The following PRKCH variants were observed in gnomAD, a reference collection of about 807,000 sequenced individuals.
The protein encoded by PRKCH is protein kinase C eta type.
PRKCH carries 28 observed loss-of-function variants against 82.5 expected under a neutral mutation model. That is an observed-to-expected ratio of 0.34 (90% CI 0.25 to 0.47). The LOEUF (loss-of-function observed/expected upper bound fraction) is 0.47, where lower values mean the gene tolerates loss of function less well. Ranked by LOEUF, PRKCH falls within the 20% of genes least tolerant of loss-of-function variation. The pLI, the probability that PRKCH is intolerant of heterozygous loss-of-function variation, is 1.00. For missense variants in PRKCH, 705 were observed against 881.8 expected (o/e 0.80, Z 2.54); for synonymous variants, 322 against 327.4 (o/e 0.98, Z 0.18).
chr14:61,516,540 G>A (rs10137927), intron 10 of PRKCH, among the ~76,000 whole-genome samples: 46 of 152,274 alleles, frequency 3.0e-4, no homozygotes, highest in African/African-American at 9.9e-4. Flanking sequence ...CCACGTGTAA[G>A]TACTTAAAGA....
At chr14:61,240,424 G>A (rs1325733307) in intron 1 of PRKCH, among the ~76,000 whole-genome samples, 2 of 152,028 alleles carry the variant, frequency 1.3e-5, no homozygotes, top group Admixed American at 6.6e-5. Context: ...ATACGCAAAT[G>A]CGAGTTGCCA....
chr14:61,353,432 A>G (rs1347016144), intron 1 of PRKCH: 1 of 152,170 alleles, frequency 6.6e-6, no homozygotes, highest in African/African-American at 2.4e-5. Flanking sequence ...TGTTTTCTCA[A>G]TTTTTCAAAC....
intron 10 of PRKCH, 62 bp downstream of exon 10, chr14:61,485,718 C>T: frequency 2.0e-6 from 3 of 1,510,094 alleles, no homozygotes; most frequent in East Asian, 2.3e-5. Context: ...TGGTATGATC[C>T]ATCCTTCCAC....
At position 61,299,979 on chromosome 14, in the gene PRKCH, C is replaced by T. The variant is rs963718961; in HGVS notation, c.-19+112311C>T. ...TTTTTCATCAGTTTGAATACTGTCTCACCTTTTGGGAAGTAATTCCATTGC... is the reference window on the plus strand; with the variant it reads ...TTTTTCATCAGTTTGAATACTGTCTTACCTTTTGGGAAGTAATTCCATTGC... On this transcript the variant is annotated intron_variant, in intron 1 of 3. Transcript: ENST00000555185. 2.0e-5 allele frequency: 3 copies of T among 152,216 alleles called. No individual in the cohort carries two copies. In the East Asian group the frequency reaches 5.8e-4, roughly 29 times the overall value. 9.4% of individuals were successfully genotyped at this position (152,216 alleles called of 1,614,324 possible).
intron 1 of PRKCH, among the ~76,000 whole-genome samples, chr14:61,246,060 T>A (rs146248398): frequency 1.3e-5 from 2 of 152,270 alleles, no homozygotes; most frequent in East Asian, 3.9e-4. Flanking sequence ...CTGCTATTCA[T>A]TGGACAAATA....
Position 61,443,090 on chromosome 14 carries a change from T to C in PRKCH, c.428-21T>C, listed in dbSNP as rs749213574. The C allele has an allele frequency of 3.1e-6, 5 of 1,606,714 alleles. No homozygotes were observed. In the East Asian group the frequency reaches 1.1e-4, roughly 36 times the overall value. On this transcript the variant is annotated intron_variant, in intron 2 of 13. Transcript: ENST00000332981. ...AGGTTCCTTACATCTTATTCTTTTT[T>C]TCCTTCCTTTTAATATATAGCTACT... is the stretch of plus-strand genomic sequence containing the variant.
chr14:61,241,002 A>G (rs909616210), intron 1 of PRKCH, among the ~76,000 whole-genome samples: 2 of 152,208 alleles, frequency 1.3e-5, no homozygotes, highest in African/African-American at 4.8e-5. Context: ...ATCAGATCCC[A>G]CAGGTTGAGA....
rs570014516 is a variant in PRKCH, at chr14:61,469,426, T to C, written c.1278+11747T>C. Among the ~76,000 whole-genome samples, 7 of 152,342 alleles carry C rather than the reference T, an allele frequency of 4.6e-5. No homozygotes were observed. In the East Asian group the frequency reaches 1.3e-3, roughly 29 times the overall value. On this transcript the variant is annotated intron_variant, in intron 9 of 13. Transcript: ENST00000332981. The stretch of plus-strand genomic sequence containing the variant: ...CCAGTCTGTGCTCAGAAGTACAACC[T>C]GATTGGCTGTGAGACTAAAGCCAAC...
At chr14:61,201,998 C>G (rs1048644204) in intron 1 of PRKCH, among the ~76,000 whole-genome samples, 1 of 152,110 alleles carries the variant, frequency 6.6e-6, no homozygotes, top group African/African-American at 2.4e-5. Context: ...GCACACATTA[C>G]TTTTTATAAT....
rs530018151 is a variant in PRKCH, at chr14:61,475,239, G to T, written c.1279-10263G>T. Among the ~76,000 whole-genome samples, 9 of 152,328 alleles carry T rather than the reference G, an allele frequency of 5.9e-5. No homozygotes were observed. In the South Asian group the frequency reaches 1.9e-3, roughly 32 times the overall value. ...GCTTAAACCAAAAGCTTTATAAAGA[G>T]AATTTCACTATGTGAAATAATGACT... On this transcript the variant is annotated intron_variant, in intron 9 of 13. Transcript: ENST00000332981.
chr14:61,331,051 A>G (rs545048473), intron 1 of PRKCH, among the ~76,000 whole-genome samples: 9 of 152,338 alleles, frequency 5.9e-5, no homozygotes, highest in African/African-American at 9.6e-5. Context: ...CATGCAGCCT[A>G]TGGGCTGTGG....
chr14:61,370,043 A>G (rs2046345307), intron 1 of PRKCH, among the ~76,000 whole-genome samples: 1 of 151,896 alleles, frequency 6.6e-6, no homozygotes, highest in Non-Finnish European at 1.5e-5. Flanking sequence ...TCCCAGGTTC[A>G]AGCGATTCTC....
At chr14:61,477,298 T>C (rs1885771176) in intron 9 of PRKCH, 1 of 152,244 alleles carries the variant, frequency 6.6e-6, no homozygotes, top group African/African-American at 2.4e-5. Context: ...AAGCAATAGC[T>C]ACATTTTTCA....
Position 61,226,858 on chromosome 14 carries a change from C to A in PRKCH, c.-19+39190C>A, listed in dbSNP as rs142709106. 2.3e-3 allele frequency among the ~76,000 whole-genome samples: 353 copies of A among 152,116 alleles called. 5 individuals carry two copies. Among genetic ancestry groups the A allele is most frequent in the African/African-American group, 8.1e-3 (338 of 41,476 alleles). ...CCACCCAAAAATATTCTACCCACCACCCCCTTCCACTTCCCATTACCACCA... is the reference window on the plus strand; with the variant it reads ...CCACCCAAAAATATTCTACCCACCAACCCCTTCCACTTCCCATTACCACCA... On this transcript the variant is annotated intron_variant, in intron 1 of 3. Coordinates refer to the PRKCH transcript ENST00000555185.
At chr14:61,203,228 C>T (rs577093962) in intron 1 of PRKCH, among the ~76,000 whole-genome samples, 2 of 152,160 alleles carry the variant, frequency 1.3e-5, no homozygotes, top group African/African-American at 4.8e-5. Context: ...AAAACCCAGA[C>T]AGGATGAGAT....
intron 1 of PRKCH, among the ~76,000 whole-genome samples, chr14:61,350,338 C>T (rs140935118): frequency 8.3e-4 from 127 of 152,262 alleles, no homozygotes; most frequent in Middle Eastern, 3.4e-3. Context: ...TAGCATGTGC[C>T]CTTGCCCCGC....
intron 9 of PRKCH, among the ~76,000 whole-genome samples, chr14:61,472,895 G>T (rs904105275): frequency 6.6e-6 from 1 of 152,242 alleles, no homozygotes; most frequent in African/African-American, 2.4e-5. Flanking sequence ...TATGGAGCAT[G>T]CATTATGTGC....
chr14:61,344,373 T>C (rs2045965582), intron 1 of PRKCH: 1 of 152,214 alleles, frequency 6.6e-6, no homozygotes, highest in African/African-American at 2.4e-5. Flanking sequence ...GGGGGTTCCA[T>C]TGTGTGCCAG....
At chr14:61,520,895 A>G (rs1489220653) in intron 10 of PRKCH, among the ~76,000 whole-genome samples, 2 of 152,224 alleles carry the variant, frequency 1.3e-5, no homozygotes, top group Non-Finnish European at 2.9e-5. Context: ...AAAAAAATGT[A>G]TCCTAAATAA....
Sources: gnomAD v4.1 joint callset for allele counts (sites outside exome capture counted in the v4.1 genomes callset) on GRCh38, gnomAD v4.1.1 for gene constraint, MANE v1.5 for transcripts, NCBI Gene and HGNC (gene_info 2026-07-23, HGNC 2026-07-21) for gene names.